Variants in PAPOLA observed in about 807,000 individuals in gnomAD.
The protein encoded by PAPOLA is poly(A) polymerase alpha.
In PAPOLA, 15 loss-of-function variants were observed where a neutral mutation model predicts 100.6. That is an observed-to-expected ratio of 0.15 (90% CI 0.10 to 0.23). The LOEUF (loss-of-function observed/expected upper bound fraction) is 0.23, where lower values mean the gene tolerates loss of function less well. Ranked by LOEUF, PAPOLA falls within the 10% of genes least tolerant of loss-of-function variation. PAPOLA has a pLI of 1.00. For synonymous variants in PAPOLA, 293 were observed against 300.0 expected (o/e 0.98, Z 0.24); for missense variants, 533 against 884.2 (o/e 0.60, Z 5.04).
At chr14:96,516,418 T>C (rs1897470034) in intron 1 of PAPOLA, among the ~76,000 whole-genome samples, 1 of 138,358 alleles carries the variant, frequency 7.2e-6, no homozygotes, top group Non-Finnish European at 1.6e-5. Context: ...CCTGGGCTCC[T>C]ATCTCAAACT....
chr14:96,516,139 A>C (rs1897443260), intron 1 of PAPOLA, among the ~76,000 whole-genome samples: 2 of 152,326 alleles, frequency 1.3e-5, no homozygotes, highest in South Asian at 4.1e-4. Context: ...TTCCATTTAA[A>C]GTGTTACAAT....
chr14:96,527,879 T>A, intron 5 of PAPOLA, 74 bp from the exon 6 acceptor site: 1 of 993,328 alleles, frequency 1.0e-6, no homozygotes, highest in Non-Finnish European at 1.6e-6. Context: ...TCAGGTGTTT[T>A]GCTAAAGTAC....
intron 11 of PAPOLA, 70 bp from the exon 12 acceptor site, chr14:96,536,903 TATG>T (rs1899586722): frequency 1.2e-6 from 1 of 849,078 alleles, no homozygotes; most frequent in Admixed American, 1.9e-5. Flanking sequence ...GTGCATGTAG[TATG>T]ATTAAGATTA....
At chr14:96,514,187 T>C (rs1380380574) in intron 1 of PAPOLA, among the ~76,000 whole-genome samples, 2 of 151,884 alleles carry the variant, frequency 1.3e-5, no homozygotes, top group East Asian at 3.8e-4. Flanking sequence ...TATCTTTTTT[T>C]TTTTTTTTTG....
chr14:96,555,625 G>A (rs1043892064), intron 17 of PAPOLA, among the ~76,000 whole-genome samples: 2 of 152,090 alleles, frequency 1.3e-5, no homozygotes, highest in African/African-American at 4.8e-5. Context: ...GTCATCTCAG[G>A]AAGTAACATT....
At chr14:96,560,935 A>G (rs1395814371) in intron 20 of PAPOLA, among the ~76,000 whole-genome samples, 1 of 152,244 alleles carries the variant, frequency 6.6e-6, no homozygotes, top group African/African-American at 2.4e-5. Flanking sequence ...AAGATAAGTC[A>G]TGAATGTAAT....
intron 19 of PAPOLA, among the ~76,000 whole-genome samples, chr14:96,559,615 A>ATG (rs1450455659): frequency 1.4e-5 from 2 of 147,266 alleles, no homozygotes; most frequent in African/African-American, 5.0e-5. Context: ...ACATATATAT[A>ATG]TGTATATATA....
intron 1 of PAPOLA, chr14:96,504,565 G>C (rs537429192): frequency 1.4e-4 from 21 of 152,510 alleles, no homozygotes; most frequent in African/African-American, 4.8e-4. Flanking sequence ...GCTGGGCGTG[G>C]TGGCTCATGC....
chr14:96,532,180 A>G, intron 7 of PAPOLA, 151 bp from the exon 8 acceptor site: 1 of 1,402,388 alleles, frequency 7.1e-7, no homozygotes, highest in Non-Finnish European at 9.2e-7. Context: ...GGTTCTACCA[A>G]ATAAAAATTT....
chr14:96,521,112 A>G, intron 3 of PAPOLA, 40 bp downstream of exon 3: 3 of 917,586 alleles, frequency 3.3e-6, no homozygotes, highest in Non-Finnish European at 3.6e-6. Context: ...TTTCATATAT[A>G]GCCAACTGAA....
rs1383428827 is a variant in PAPOLA, at chr14:96,532,345, G to A, written c.622G>A (p.Asp208Asn). 5.0e-6 allele frequency: 8 copies of A among 1,610,816 alleles called. No individual in the cohort carries two copies. The highest frequency in any genetic ancestry group is 2.2e-5 in the South Asian group (2 of 90,470). The change falls in exon 8 of 22, where the codon GAT becomes AAT. Residue 208 changes from aspartate (D) to asparagine (N), a missense_variant. By Grantham distance (23) the Asp-to-Asn change is conservative. This residue lies in a region of PAPOLA where 32 missense variants were observed against 95.0 expected (regional missense o/e 0.34). Coordinates refer to ENST00000216277, the MANE Select transcript of PAPOLA (RefSeq NM_032632.5). ...CTATTAATTAGGTTGCAGGGTAACC[G>A]ATGAAATTTTACATCTAGTACCAAA... ...IRSLNGCRVT[D>N]EILHLVPNID...
chr14:96,522,108 C>CTTTTTTT (rs1566840969), intron 3 of PAPOLA, among the ~76,000 whole-genome samples: 4 of 98,342 alleles, frequency 4.1e-5, no homozygotes, highest in South Asian at 8.0e-4. Context: ...TAGCCTCTTT[C>CTTTTTTT]TTTCTTTCTT....
intron 6 of PAPOLA, among the ~76,000 whole-genome samples, chr14:96,530,307 A>AT (rs776975325): frequency 1.3e-5 from 2 of 152,108 alleles, no homozygotes; most frequent in African/African-American, 4.8e-5. Context: ...ATCAAACTTG[A>AT]TAATTGTGAT....
At chr14:96,504,198 C>T (rs967155079) in intron 1 of PAPOLA, 2 of 152,144 alleles carry the variant, frequency 1.3e-5, no homozygotes, top group African/African-American at 2.4e-5. Flanking sequence ...ACTTCTTTTT[C>T]TGATAATCAT....
chr14:96,559,609 ATATATATGTATATATATATATGTG>A (rs1304543891), intron 19 of PAPOLA, among the ~76,000 whole-genome samples: 1 of 147,620 alleles, frequency 6.8e-6, no homozygotes, highest in Non-Finnish European at 1.5e-5. Context: ...ACACACACAT[ATATATATGTATATATATATATGTG>A]TATATATGTA....
At chr14:96,509,495 A>G (rs747519962) in intron 1 of PAPOLA, among the ~76,000 whole-genome samples, 2 of 152,380 alleles carry the variant, frequency 1.3e-5, no homozygotes, top group Middle Eastern at 3.4e-3. Flanking sequence ...ACAGAATGTA[A>G]CATACTATAG....
intron 1 of PAPOLA, among the ~76,000 whole-genome samples, chr14:96,516,366 T>TTCTCTCCCTCTCTTTCTTCCTTCC (rs1897462665): frequency 6.7e-6 from 1 of 148,210 alleles, no homozygotes; most frequent in Non-Finnish European, 1.5e-5. Context: ...CCCTCCCTCA[T>TTCTCTCCCTCTCTTTCTTCCTTCC]TCTCTCCCTC....
At chr14:96,510,886 A>G (rs1897070255) in intron 1 of PAPOLA, among the ~76,000 whole-genome samples, 1 of 152,228 alleles carries the variant, frequency 6.6e-6, no homozygotes. Context: ...ACCTTGTGAA[A>G]AAGGAGATTG....
At chr14:96,562,081 A>AC (rs1446487108) in intron 20 of PAPOLA, among the ~76,000 whole-genome samples, 3 of 151,904 alleles carry the variant, frequency 2.0e-5, no homozygotes, top group Non-Finnish European at 4.4e-5. Flanking sequence ...TTTAGTAGAG[A>AC]TGGGGTTTCA....
Sources: gnomAD v4.1 joint callset for allele counts (sites outside exome capture counted in the v4.1 genomes callset) on GRCh38, gnomAD v4.1.1 for gene constraint, gnomAD v4.1.1 regional missense constraint, MANE v1.5 for transcripts, NCBI Gene and HGNC (gene_info 2026-07-23, HGNC 2026-07-21) for gene names.